GABRB1: variants seen among roughly 807,000 people sequenced by gnomAD.
The protein encoded by GABRB1 is gamma-aminobutyric acid type A receptor subunit beta1, also known as gamma-aminobutyric acid receptor subunit beta-1.
A neutral mutation model predicts 51.6 loss-of-function variants in GABRB1; 17 were observed. That is an observed-to-expected ratio of 0.33 (90% confidence interval 0.23 to 0.49). The LOEUF is 0.49. Among genes scored for constraint, GABRB1 ranks in the 20% least tolerant of loss-of-function variants. GABRB1 has a pLI of 0.99. For missense variants in GABRB1, 410 were observed against 600.6 expected, an observed-to-expected ratio of 0.68 and a Z score of 3.32; for synonymous variants, 247 against 218.9, an observed-to-expected ratio of 1.13 and a Z score of -1.14.
intron 4 of GABRB1, among the ~76,000 whole-genome samples, chr4:47,300,487 T>A (rs1009894171): frequency 6.6e-6 from 1 of 152,162 alleles, no homozygotes; most frequent in Non-Finnish European, 1.5e-5. Context: ...TTAAATATTA[T>A]GTAGTATTAA....
chr4:47,085,266 CA>C (rs1298037495), intron 3 of GABRB1, among the ~76,000 whole-genome samples: 3 of 152,222 alleles, frequency 2.0e-5, no homozygotes, highest in African/African-American at 7.2e-5. Context: ...ACCAAATATA[CA>C]ATATTTTTCC....
intron 4 of GABRB1, among the ~76,000 whole-genome samples, chr4:47,295,665 C>T (rs964241442): frequency 1.3e-5 from 2 of 152,170 alleles, no homozygotes; most frequent in Non-Finnish European, 2.9e-5. Flanking sequence ...GAGAATGGAA[C>T]CAAGTTAGAA....
chr4:47,068,111 G>A (rs1038922016), intron 3 of GABRB1, among the ~76,000 whole-genome samples: 4 of 152,108 alleles, frequency 2.6e-5, no homozygotes, highest in African/African-American at 9.7e-5. Flanking sequence ...TGAACCTCAT[G>A]AACCAACCTT....
chr4:47,298,191 T>C (rs921828138), intron 4 of GABRB1, among the ~76,000 whole-genome samples: 4 of 152,192 alleles, frequency 2.6e-5, no homozygotes, highest in African/African-American at 4.8e-5. Flanking sequence ...AAGACAGGGA[T>C]GCCCTCTCTC....
intron 5 of GABRB1, among the ~76,000 whole-genome samples, chr4:47,349,896 A>G (rs1305986717): frequency 6.6e-6 from 1 of 152,104 alleles, no homozygotes; most frequent in Non-Finnish European, 1.5e-5. Flanking sequence ...TATGAAAACT[A>G]TGTCAGAATA....
At position 47,031,570 on chromosome 4, in the gene GABRB1, C is replaced by CG. The variant is rs1046988040; in HGVS notation, c.-79dup. The CG allele has an allele frequency of 3.0e-5, 35 of 1,171,856 alleles. No individual in the cohort carries two copies. The highest frequency in any genetic ancestry group is 4.2e-5 in the Non-Finnish European group (33 of 780,396). The allele number at this position is 1,171,856 out of a possible 1,614,324, so 72.6% of individuals were successfully genotyped here. ...CGCTCTGCGCATGCGCAGGTCCATT[C>CG]GGGAATTACTGCCCAGCAGCCGACT... On this transcript the variant is annotated 5_prime_UTR_variant, in exon 1 of 9. Transcript: ENST00000295454.
At chr4:47,090,888 A>G (rs1339455585) in intron 3 of GABRB1, among the ~76,000 whole-genome samples, 1 of 152,194 alleles carries the variant, frequency 6.6e-6, no homozygotes, top group Non-Finnish European at 1.5e-5. Flanking sequence ...CACCTCAAAT[A>G]TCATTTCTTC....
chr4:47,375,631 G>GAA (rs756250992), intron 5 of GABRB1, among the ~76,000 whole-genome samples: 4 of 152,150 alleles, frequency 2.6e-5, no homozygotes, highest in Non-Finnish European at 5.9e-5. Flanking sequence ...CTGGCAAATT[G>GAA]AGCTTCTTGA....
At chr4:47,389,748 T>C (rs546012041) in intron 5 of GABRB1, among the ~76,000 whole-genome samples, 28 of 152,306 alleles carry the variant, frequency 1.8e-4, no homozygotes, top group African/African-American at 6.5e-4. Flanking sequence ...CTCTCTTATC[T>C]GAAGCTAAGA....
chr4:47,124,478 C>T (rs1474743526), intron 3 of GABRB1, among the ~76,000 whole-genome samples: 1 of 152,094 alleles, frequency 6.6e-6, no homozygotes, highest in Non-Finnish European at 1.5e-5. Flanking sequence ...AAATATAAAA[C>T]CACAAAGGAA....
chr4:47,246,327 CACATATGT>C (rs1392899046), intron 4 of GABRB1, among the ~76,000 whole-genome samples: 31 of 58,550 alleles, frequency 5.3e-4, no homozygotes, highest in Admixed American at 8.4e-4. Context: ...CACACACACA[CACATATGT>C]ACATATATAT....
chr4:47,179,019 G>T (rs1334448333), intron 4 of GABRB1, among the ~76,000 whole-genome samples: 2 of 151,860 alleles, frequency 1.3e-5, no homozygotes, highest in Non-Finnish European at 2.9e-5. Flanking sequence ...AGAACATGCA[G>T]GTTTGTTACA....
intron 3 of GABRB1, among the ~76,000 whole-genome samples, chr4:47,040,858 T>C (rs944954519): frequency 6.6e-6 from 1 of 152,156 alleles, no homozygotes; most frequent in Admixed American, 6.5e-5. Context: ...GCTTTTTATC[T>C]AGGAGGACCT....
At chr4:47,293,126 G>A (rs1383137294) in intron 4 of GABRB1, among the ~76,000 whole-genome samples, 3 of 152,016 alleles carry the variant, frequency 2.0e-5, no homozygotes, top group East Asian at 3.9e-4. Context: ...TGTTGTTGTT[G>A]TTGTTGTTGT....
At position 47,000,427 on chromosome 4, in the gene GABRB1, A is replaced by G. The variant is rs140186284; in HGVS notation, c.-20+6501A>G. On this transcript the variant is annotated intron_variant, in intron 1 of 3. Coordinates refer to the GABRB1 transcript ENST00000513567. ...GGTGGTCAGGACTTAGGTGTTCACT[A>G]TGTTACTTTTTTTATATTCATCTTC... Among the ~76,000 whole-genome samples the G allele has an allele frequency of 6.6e-5, 10 of 152,296 alleles. No individual in the cohort carries two copies. The South Asian group carries it at 1.2e-3, about 19-fold the overall frequency.
intron 4 of GABRB1, among the ~76,000 whole-genome samples, chr4:47,249,305 A>C (rs1200108296): frequency 6.6e-6 from 1 of 151,998 alleles, no homozygotes; most frequent in Admixed American, 6.6e-5. Context: ...ATTTCCATGT[A>C]TTTGCATGGT....
At chr4:47,111,164 G>A (rs1342118354) in intron 3 of GABRB1, among the ~76,000 whole-genome samples, 1 of 152,046 alleles carries the variant, frequency 6.6e-6, no homozygotes, top group Non-Finnish European at 1.5e-5. Context: ...ATTAGTTTCT[G>A]TTTTGACAAG....
chr4:47,344,385 A>G (rs1414439346), intron 5 of GABRB1, among the ~76,000 whole-genome samples: 3 of 152,250 alleles, frequency 2.0e-5, no homozygotes, highest in Admixed American at 6.5e-5. Flanking sequence ...GTCATGTGCC[A>G]TCATGATATT....
At chr4:47,054,104 C>T (rs1258997568) in intron 3 of GABRB1, among the ~76,000 whole-genome samples, 3 of 151,034 alleles carry the variant, frequency 2.0e-5, no homozygotes, top group Non-Finnish European at 4.4e-5. Context: ...TAAAAAGAGT[C>T]TTTTTTCCAT....
Sources: gnomAD v4.1 joint callset for allele counts (sites outside exome capture counted in the v4.1 genomes callset) on GRCh38, gnomAD v4.1.1 for gene constraint, MANE v1.5 for transcripts, NCBI Gene and HGNC (gene_info 2026-07-23, HGNC 2026-07-21) for gene names.